Variants in AASDH observed in about 807,000 individuals in gnomAD.
AASDH encodes beta-alanine-activating enzyme.
In AASDH, 81 loss-of-function variants were observed where a neutral mutation model predicts 102.3. The observed-to-expected ratio is 0.79, with a 90% CI of 0.66 to 0.95. AASDH has a LOEUF of 0.95. AASDH is among the 40% of genes least tolerant of loss of function. The probability of loss-of-function intolerance (pLI) is 0.00; values close to 1 mark genes in which losing one functional copy is unlikely to be tolerated. For synonymous variants in AASDH, 398 were observed against 454.0 expected (o/e 0.88, Z 1.57); for missense variants, 1,203 against 1,266.2 (o/e 0.95, Z 0.76).
intron 12 of AASDH, 61 bp downstream of exon 12, chr4:56,345,066 G>A (rs1748167714): frequency 6.4e-7 from 1 of 1,563,588 alleles, no homozygotes; most frequent in Admixed American, 1.7e-5. Flanking sequence ...CTCAGCCTCT[G>A]GAGTAACTAC....
intron 2 of AASDH, among the ~76,000 whole-genome samples, chr4:56,382,929 C>A (rs898695680): frequency 6.6e-6 from 1 of 152,128 alleles, no homozygotes; most frequent in Non-Finnish European, 1.5e-5. Flanking sequence ...ATCAGCCGGG[C>A]GTCTGCAATC....
chr4:56,366,438 T>C (rs1197602816), intron 5 of AASDH, among the ~76,000 whole-genome samples: 2 of 152,052 alleles, frequency 1.3e-5, no homozygotes, highest in Non-Finnish European at 2.9e-5. Context: ...TTTAGACCAA[T>C]ATCCTTGATG....
intron 4 of AASDH, among the ~76,000 whole-genome samples, chr4:56,373,344 T>C (rs1751963491): frequency 6.6e-6 from 1 of 152,068 alleles, no homozygotes; most frequent in Non-Finnish European, 1.5e-5. Context: ...GTTTCAACCA[T>C]GTTGATCAGG....
intron 4 of AASDH, among the ~76,000 whole-genome samples, chr4:56,374,259 G>A (rs1349352256): frequency 1.3e-5 from 2 of 151,102 alleles, no homozygotes; most frequent in South Asian, 2.1e-4. Context: ...TGCACCTATA[G>A]TGGGAGGCTG....
At chr4:56,365,291 C>T (rs1037029468) in intron 5 of AASDH, among the ~76,000 whole-genome samples, 2 of 151,848 alleles carry the variant, frequency 1.3e-5, no homozygotes, top group African/African-American at 2.4e-5. Flanking sequence ...CACCCCACTG[C>T]CAACATTAGA....
rs770958760 is a variant in AASDH at position 56,354,077 on chromosome 4, G to A, written c.1345C>T (p.Arg449Cys). ...TCAATGTTAAGACGTTTGCCATGAC[G>A]TTTGATCTGACTGTCTTTTCGTCCC... ...FLGRKDSQIK[R>C]HGKRLNIELV... The change falls in exon 8 of 15, where the codon CGT becomes TGT. Residue 449 changes from arginine (R) to cysteine (C), a missense_variant. Physicochemically the swap from Arg to Cys is radical, Grantham distance 180. Coordinates refer to ENST00000205214, the MANE Select transcript of AASDH (RefSeq NM_181806.4). The A allele has an allele frequency of 1.1e-5, 18 of 1,612,252 alleles. No homozygotes were observed. Among genetic ancestry groups the A allele is most frequent in the African/African-American group, 2.7e-5 (2 of 74,798 alleles).
chr4:56,374,942 CCT>C (rs1475577246), intron 4 of AASDH, among the ~76,000 whole-genome samples: 1 of 152,236 alleles, frequency 6.6e-6, no homozygotes, highest in East Asian at 1.9e-4. Context: ...AAATTAATCC[CCT>C]GATTTGAAAG....
At chr4:56,383,517 C>T (rs1173460583) in intron 2 of AASDH, among the ~76,000 whole-genome samples, 2 of 152,276 alleles carry the variant, frequency 1.3e-5, no homozygotes, top group Admixed American at 1.3e-4. Flanking sequence ...GCAGTTTATA[C>T]TTACTGCAGA....
chr4:56,361,510 C>G (rs1023967631), intron 5 of AASDH, among the ~76,000 whole-genome samples: 2 of 152,050 alleles, frequency 1.3e-5, no homozygotes, highest in Non-Finnish European at 2.9e-5. Context: ...GCATCCTTTG[C>G]TAGTAAATCA....
chr4:56,342,118 A>G (rs1407819505), intron 14 of AASDH, among the ~76,000 whole-genome samples: 2 of 63,156 alleles, frequency 3.2e-5, no homozygotes, highest in Non-Finnish European at 8.9e-5. Context: ...CTCAAAAAAA[A>G]AAAAAAAAAA....
At chr4:56,383,815 A>T (rs1416549464) in intron 2 of AASDH, among the ~76,000 whole-genome samples, 1 of 152,188 alleles carries the variant, frequency 6.6e-6, no homozygotes, top group African/African-American at 2.4e-5. Flanking sequence ...AGATTAATGA[A>T]GCCCTTACAT....
At chr4:56,360,972 T>A (rs1750218876) in intron 5 of AASDH, among the ~76,000 whole-genome samples, 2 of 152,296 alleles carry the variant, frequency 1.3e-5, no homozygotes, top group South Asian at 4.1e-4. Context: ...AATGAAAATC[T>A]CTTGTCAAAA....
intron 2 of AASDH, among the ~76,000 whole-genome samples, chr4:56,383,444 C>G (rs1050364262): frequency 3.9e-5 from 6 of 151,956 alleles, no homozygotes; most frequent in Non-Finnish European, 8.8e-5. Flanking sequence ...ACATCTTTTG[C>G]TTTATATTTA....
intron 5 of AASDH, among the ~76,000 whole-genome samples, chr4:56,365,757 A>G (rs148535649): frequency 0.088 from 13,381 of 152,210 alleles, 735 homozygotes; most frequent in East Asian, 0.25. Context: ...AATGCCCACA[A>G]GAGAAAGCAG....
At chr4:56,386,068 A>G (rs1383418677) in intron 1 of AASDH, among the ~76,000 whole-genome samples, 2 of 152,224 alleles carry the variant, frequency 1.3e-5, no homozygotes, top group Non-Finnish European at 2.9e-5. Flanking sequence ...GCCAAGACCC[A>G]TAAGTTTGAA....
At chr4:56,361,782 G>A (rs560090944) in intron 5 of AASDH, among the ~76,000 whole-genome samples, 2 of 152,124 alleles carry the variant, frequency 1.3e-5, no homozygotes, top group East Asian at 3.9e-4. Context: ...ACCAGCCTGG[G>A]CAACACAGGG....
intron 3 of AASDH, 69 bp downstream of exon 3, chr4:56,382,408 G>A (rs1431031193): frequency 1.4e-6 from 2 of 1,403,172 alleles, no homozygotes; most frequent in African/African-American, 1.5e-5. Context: ...CCAGATGGGA[G>A]AAGGAAGGAA....
rs1003636073 is a variant in AASDH at position 56,351,934 on chromosome 4, G to C, written c.1577-477C>G. 8.7e-4 allele frequency among the ~76,000 whole-genome samples: 123 copies of C among 141,272 alleles called. 1 individual carries two copies. The highest frequency in any genetic ancestry group is 4.2e-4 in the Non-Finnish European group (27 of 64,738). 92.7% of individuals were successfully genotyped at this position (141,272 alleles called of 152,430 possible). ...CCTATCTCCAAAAAAAAAAAAAAAA[G>C]AAAGAAAAAGGAAAAAAGGAGCTAA... On this transcript the variant is annotated intron_variant, in intron 9 of 14. Transcript: ENST00000205214.
intron 5 of AASDH, among the ~76,000 whole-genome samples, chr4:56,369,990 T>G (rs893940159): frequency 6.6e-6 from 1 of 150,752 alleles, no homozygotes; most frequent in Non-Finnish European, 1.5e-5. Flanking sequence ...ATAATTAAGA[T>G]GCACATATGC....
Sources: gnomAD v4.1 joint callset for allele counts (sites outside exome capture counted in the v4.1 genomes callset) on GRCh38, gnomAD v4.1.1 for gene constraint, MANE v1.5 for transcripts, NCBI Gene and HGNC (gene_info 2026-07-23, HGNC 2026-07-21) for gene names.